FAM114A1: variants seen among roughly 807,000 people sequenced by gnomAD.
The protein encoded by FAM114A1 is protein NOXP20.
FAM114A1 carries 62 observed loss-of-function variants against 64.3 expected under a neutral mutation model. The observed-to-expected ratio is 0.96, with a 90% CI of 0.79 to 1.19. FAM114A1 has a LOEUF of 1.19. Ranked by LOEUF, FAM114A1 falls within the 50% of genes most tolerant of loss-of-function variation. The pLI, the probability that FAM114A1 is intolerant of heterozygous loss-of-function variation, is 0.00. For synonymous variants in FAM114A1, 254 were observed against 251.1 expected (o/e 1.01, Z -0.11); for missense variants, 645 against 676.3 (o/e 0.95, Z 0.51).
intron 8 of FAM114A1, among the ~76,000 whole-genome samples, chr4:38,921,305 T>C (rs1560320733): frequency 2.6e-5 from 4 of 152,218 alleles, no homozygotes; most frequent in Admixed American, 1.3e-4. Context: ...AGGATCTTGC[T>C]GGAGTGCAGT....
chr4:38,873,696 A>T, intron 2 of FAM114A1, among the ~76,000 whole-genome samples: 1 of 152,208 alleles, frequency 6.6e-6, no homozygotes. Flanking sequence ...TATGGAACTA[A>T]CAGCCCCCGA....
intron 3 of FAM114A1, among the ~76,000 whole-genome samples, chr4:38,880,100 AAATAGAGTAGAATAGAATAG>A (rs1163029993): frequency 4.0e-5 from 4 of 98,942 alleles, no homozygotes; most frequent in African/African-American, 1.4e-4. Flanking sequence ...AAATAAAATA[AAATAGAGTAGAATAGAATAG>A]AATAGAATAG....
intron 3 of FAM114A1, among the ~76,000 whole-genome samples, chr4:38,880,272 G>A (rs973671647): frequency 7.9e-5 from 12 of 152,116 alleles, no homozygotes; most frequent in African/African-American, 2.9e-4. Flanking sequence ...TGGTTGTAAT[G>A]TTTGGCCAGG....
In FAM114A1 at chr4:38,878,455, G is replaced by T. The variant is rs1323054141; in HGVS notation, c.348+29G>T. On this transcript the variant is annotated intron_variant, in intron 3 of 14. Transcript: ENST00000358869. ...AGAATGGGTCATTCAATTCACTTCG[G>T]CCTAAGTTCTTGCTTATATCTACCG... 3 of 1,539,630 alleles carry T rather than the reference G, an allele frequency of 1.9e-6. No homozygotes were observed. In the Admixed American group the frequency reaches 5.9e-5, roughly 31 times the overall value.
chr4:38,881,399 C>A (rs1715258756), intron 3 of FAM114A1, among the ~76,000 whole-genome samples: 1 of 152,106 alleles, frequency 6.6e-6, no homozygotes, highest in African/African-American at 2.4e-5. Context: ...GGGAGAAATT[C>A]CTAATAATAG....
intron 8 of FAM114A1, among the ~76,000 whole-genome samples, chr4:38,917,850 T>G (rs1469735475): frequency 6.6e-6 from 1 of 152,174 alleles, no homozygotes; most frequent in Non-Finnish European, 1.5e-5. Context: ...CCTGGAGATT[T>G]TTGTGATATT....
intron 4 of FAM114A1, 122 bp from the exon 5 acceptor site, chr4:38,905,400 T>TTA (rs1717890266): frequency 1.6e-4 from 94 of 600,352 alleles, no homozygotes; most frequent in Middle Eastern, 3.0e-4. Flanking sequence ...CTCCATCTTT[T>TTA]AAAAAAAAAA....
At chr4:38,913,456 C>T (rs893408501) in intron 7 of FAM114A1, among the ~76,000 whole-genome samples, 3 of 152,122 alleles carry the variant, frequency 2.0e-5, no homozygotes, top group Non-Finnish European at 2.9e-5. Context: ...TGGAGTGCAA[C>T]GGCGCAGTCT....
chr4:38,942,693 A>T (rs545625160), intron 14 of FAM114A1, among the ~76,000 whole-genome samples: 2 of 152,300 alleles, frequency 1.3e-5, no homozygotes, highest in Admixed American at 6.5e-5. Context: ...GCATAGGAGG[A>T]TAACAGTGTT....
intron 13 of FAM114A1, among the ~76,000 whole-genome samples, chr4:38,937,200 C>T (rs1392900654): frequency 2.0e-5 from 3 of 152,144 alleles, no homozygotes; most frequent in Non-Finnish European, 2.9e-5. Flanking sequence ...CCTAGGGCTG[C>T]TCTAACAAAG....
At chr4:38,932,917 G>A (rs1422768706) in intron 12 of FAM114A1, among the ~76,000 whole-genome samples, 2 of 149,112 alleles carry the variant, frequency 1.3e-5, no homozygotes, top group Non-Finnish European at 3.0e-5. Flanking sequence ...ACAGTGTCAC[G>A]ATCTCAACTC....
chr4:38,904,563 T>C (rs1560306441), intron 4 of FAM114A1, among the ~76,000 whole-genome samples: 1 of 152,174 alleles, frequency 6.6e-6, no homozygotes, highest in Non-Finnish European at 1.5e-5. Context: ...GGTTGATTTA[T>C]ATCATTATTA....
chr4:38,878,994 G>A (rs947204206), intron 3 of FAM114A1, among the ~76,000 whole-genome samples: 1 of 152,154 alleles, frequency 6.6e-6, no homozygotes, highest in Non-Finnish European at 1.5e-5. Flanking sequence ...GGGAACAGAG[G>A]CAGAATGCAC....
intron 10 of FAM114A1, 99 bp downstream of exon 10, chr4:38,929,432 C>T: frequency 1.1e-6 from 1 of 904,712 alleles, no homozygotes; most frequent in Non-Finnish European, 1.7e-6. Context: ...ATGGAAAACC[C>T]CCAAATCTTA....
At chr4:38,877,105 C>T (rs189650418) in intron 2 of FAM114A1, among the ~76,000 whole-genome samples, 1 of 152,160 alleles carries the variant, frequency 6.6e-6, no homozygotes, top group African/African-American at 2.4e-5. Flanking sequence ...ATCTTGGGGG[C>T]CATTCATTAT....
At chr4:38,927,863 T>C (rs1720275778) in intron 9 of FAM114A1, among the ~76,000 whole-genome samples, 1 of 152,164 alleles carries the variant, frequency 6.6e-6, no homozygotes. Context: ...TTTGTATTTT[T>C]AGTAGAGACG....
intron 1 of FAM114A1, chr4:38,868,049 G>C: frequency 2.4e-6 from 1 of 425,186 alleles, no homozygotes; most frequent in South Asian, 1.6e-5. Context: ...GCGTGGGTGC[G>C]GGCGTGTGAG....
chr4:38,886,990 G>C (rs903477796), intron 3 of FAM114A1, among the ~76,000 whole-genome samples: 9 of 151,434 alleles, frequency 5.9e-5, no homozygotes, highest in Non-Finnish European at 8.8e-5. Flanking sequence ...GAAAAAGGCC[G>C]AAAAGCTAGG....
intron 3 of FAM114A1, 26 bp from the exon 4 acceptor site, chr4:38,891,717 C>T (rs898510644): frequency 3.8e-6 from 6 of 1,578,390 alleles, no homozygotes; most frequent in African/African-American, 2.7e-5. Flanking sequence ...GAATTTCTGA[C>T]CTGTGGCTAA....
Sources: allele counts gnomAD v4.1 joint callset (sites outside exome capture counted in the v4.1 genomes callset), GRCh38; gene constraint gnomAD v4.1.1; transcripts MANE v1.5; gene names NCBI Gene and HGNC (gene_info 2026-07-23, HGNC 2026-07-21).